Variants in URAD observed in about 807,000 individuals in gnomAD.
URAD encodes ureidoimidazoline (2-oxo-4-hydroxy-4-carboxy-5-) decarboxylase.
In URAD, 4 loss-of-function variants were observed where a neutral mutation model predicts 4.6. The ratio of observed to expected loss-of-function variants is 0.87; its 90% CI spans 0.43 to 1.98. The LOEUF is 1.98. Among genes scored for constraint, URAD ranks in the 30% most tolerant of loss-of-function variants. The pLI is 0.03. For missense variants in URAD, 300 were observed against 255.3 expected, an observed-to-expected ratio of 1.18 and a Z score of -1.19; for synonymous variants, 144 against 118.2, an observed-to-expected ratio of 1.22 and a Z score of -1.41.
At chr13:27,983,231 T>G (rs1280468092) in intron 1 of URAD, among the ~76,000 whole-genome samples, 1 of 152,134 alleles carries the variant, frequency 6.6e-6, no homozygotes, top group Non-Finnish European at 1.5e-5. Flanking sequence ...CTTTGCTTTT[T>G]TTTTGTTTTT....
intron 1 of URAD, among the ~76,000 whole-genome samples, chr13:27,987,895 T>C (rs1288410040): frequency 2.5e-5 from 1 of 39,836 alleles, no homozygotes. Flanking sequence ...AGATAGATGA[T>C]AGATAGATAG....
intron 1 of URAD, among the ~76,000 whole-genome samples, chr13:27,979,985 C>T (rs1869827465): frequency 6.6e-6 from 1 of 152,222 alleles, no homozygotes; most frequent in Non-Finnish European, 1.5e-5. Context: ...GTTTTCAGGG[C>T]ACGGCTGCCC....
At chr13:27,978,758 G>T (rs1235641362) in intron 1 of URAD, among the ~76,000 whole-genome samples, 1 of 152,032 alleles carries the variant, frequency 6.6e-6, no homozygotes, top group Non-Finnish European at 1.5e-5. Context: ...GAGACCTTGG[G>T]TCAAGAAGAG....
At chr13:27,987,889 AGAT>A (rs1224863597) in intron 1 of URAD, among the ~76,000 whole-genome samples, 76 of 131,748 alleles carry the variant, frequency 5.8e-4, no homozygotes, top group African/African-American at 2.1e-3. Flanking sequence ...TAAAATAGAT[AGAT>A]GATAGATAGA....
rs374366374 is a variant in URAD, at chr13:27,984,519, TTC to T, written c.175+3942_175+3943del. Among the ~76,000 whole-genome samples, 15 of 152,326 alleles carry T rather than the reference TTC, an allele frequency of 9.8e-5. No individual in the cohort carries two copies. In the East Asian group the frequency reaches 2.7e-3, roughly 27 times the overall value. On this transcript the variant is annotated intron_variant, in intron 1 of 1. Coordinates refer to ENST00000332715, the MANE Select transcript of URAD (RefSeq NM_001105577.2). ...CTTAGTCTAGAAACCCAGTTTTGTT[TTC>T]TGTTAATGGTGGAGGTTTTTCTTCA...
chr13:27,983,148 C>T (rs1414491217), intron 1 of URAD, among the ~76,000 whole-genome samples: 3 of 152,164 alleles, frequency 2.0e-5, no homozygotes, highest in Non-Finnish European at 4.4e-5. Flanking sequence ...CATCCCTCTA[C>T]TCCTTACTAT....
chr13:27,988,095 A>T (rs1307926115), intron 1 of URAD, among the ~76,000 whole-genome samples: 1 of 152,184 alleles, frequency 6.6e-6, no homozygotes, highest in East Asian at 1.9e-4. Context: ...AATAGCTGGA[A>T]CTACAGGCAC....
chr13:27,987,892 T>TGATAGATAGATGATAGATA (rs1555247010), intron 1 of URAD, among the ~76,000 whole-genome samples: 11 of 150,080 alleles, frequency 7.3e-5, no homozygotes, highest in South Asian at 2.1e-4. Context: ...AATAGATAGA[T>TGATAGATAGATGATAGATA]GATAGATAGA....
intron 1 of URAD, among the ~76,000 whole-genome samples, chr13:27,981,184 G>A (rs1361942694): frequency 6.6e-6 from 1 of 152,150 alleles, no homozygotes; most frequent in African/African-American, 2.4e-5. Context: ...GGACCCTTGA[G>A]TAAGTACATC....
chr13:27,985,426 C>T (rs1212342959), intron 1 of URAD, among the ~76,000 whole-genome samples: 1 of 152,124 alleles, frequency 6.6e-6, no homozygotes, highest in African/African-American at 2.4e-5. Flanking sequence ...CCACTGCACT[C>T]TAGCTTGGGT....
rs545298088 is a variant in URAD at position 27,979,175 on chromosome 13, T to C, written c.176-723A>G. Among the ~76,000 whole-genome samples the C allele has an allele frequency of 5.3e-5, 8 of 152,266 alleles. No homozygotes were observed. In the East Asian group the frequency reaches 1.5e-3, roughly 29 times the overall value. On this transcript the variant is annotated intron_variant, in intron 1 of 1. Coordinates refer to ENST00000332715, the MANE Select transcript of URAD (RefSeq NM_001105577.2). ...TTTGAATGAAAGTGGCTTTCCTCTA[T>C]TTAGGAAACTGCACCCACCCATCCC...
intron 1 of URAD, among the ~76,000 whole-genome samples, chr13:27,981,905 G>A (rs1278907065): frequency 2.0e-5 from 3 of 152,088 alleles, no homozygotes; most frequent in African/African-American, 7.2e-5. Context: ...TTGCTCTCTT[G>A]TTTCTCCCTA....
intron 1 of URAD, among the ~76,000 whole-genome samples, chr13:27,985,708 G>T (rs2137560215): frequency 6.6e-6 from 1 of 152,188 alleles, no homozygotes; most frequent in African/African-American, 2.4e-5. Flanking sequence ...AAACCTGTTG[G>T]GTTGACTCTC....
intron 1 of URAD, among the ~76,000 whole-genome samples, chr13:27,981,379 C>T (rs920775804): frequency 6.6e-6 from 1 of 152,210 alleles, no homozygotes; most frequent in African/African-American, 2.4e-5. Context: ...CTAGGCAGGC[C>T]AGTCAGACAG....
chr13:27,981,375 A>G, intron 1 of URAD, among the ~76,000 whole-genome samples: 1 of 152,204 alleles, frequency 6.6e-6, no homozygotes, highest in East Asian at 1.9e-4. Flanking sequence ...GGCGCTAGGC[A>G]GGCCAGTCAG....
intron 1 of URAD, among the ~76,000 whole-genome samples, chr13:27,986,773 T>A (rs1384647639): frequency 6.6e-6 from 1 of 152,210 alleles, no homozygotes; most frequent in Non-Finnish European, 1.5e-5. Flanking sequence ...TCTATTCTAT[T>A]TTCCTGTCAG....
In URAD at chr13:27,978,344, C is replaced by A. The variant is rs573732351; in HGVS notation, c.284G>T (p.Ser95Ile). The change falls in exon 2 of 2, where the codon AGC becomes ATC. Residue 95 changes from serine (S) to isoleucine (I), a missense_variant. Ser to Ile is a moderately radical substitution (Grantham distance 142, BLOSUM62 -2). Transcript: ENST00000332715. ...QREQSGAGLRSLGADERLRLA... is the reference protein window; with the variant it reads ...QREQSGAGLRILGADERLRLA... ...CCGCAGCCGCTCGTCCGCGCCCAGGCTCCTCAGGCCTGCGCCGCTCTGTTC... is the reference window on the plus strand; with the variant it reads ...CCGCAGCCGCTCGTCCGCGCCCAGGATCCTCAGGCCTGCGCCGCTCTGTTC... 692 of 1,394,376 alleles carry A rather than the reference C, an allele frequency of 5.0e-4. 3 individuals are homozygous for A. The African/African-American group carries it at 9.8e-3, about 20-fold the overall frequency. 86.4% of individuals were successfully genotyped at this position (1,394,376 alleles called of 1,614,324 possible).
At chr13:27,983,566 A>G (rs1355283377) in intron 1 of URAD, among the ~76,000 whole-genome samples, 2 of 152,146 alleles carry the variant, frequency 1.3e-5, no homozygotes, top group African/African-American at 4.8e-5. Flanking sequence ...CCTAGATTTC[A>G]GCTACTTATT....
chr13:27,986,807 G>A (rs1870041400), intron 1 of URAD, among the ~76,000 whole-genome samples: 1 of 152,098 alleles, frequency 6.6e-6, no homozygotes, highest in Non-Finnish European at 1.5e-5. Flanking sequence ...GGGCTCCGGG[G>A]CCTCCTGCTC....
Sources: gnomAD v4.1 joint callset for allele counts (sites outside exome capture counted in the v4.1 genomes callset) on GRCh38, gnomAD v4.1.1 for gene constraint, MANE v1.5 for transcripts, NCBI Gene and HGNC (gene_info 2026-07-23, HGNC 2026-07-21) for gene names.